The following PCDH15 variants were observed in gnomAD, a reference collection of about 807,000 sequenced individuals.
PCDH15 encodes the protein protocadherin-15.
In PCDH15, 129 loss-of-function variants were observed where a neutral mutation model predicts 178.5. The ratio of observed to expected loss-of-function variants is 0.72; its 90% CI spans 0.63 to 0.84. The LOEUF (loss-of-function observed/expected upper bound fraction) is 0.84, where lower values mean the gene tolerates loss of function less well. PCDH15 is among the 40% of genes least tolerant of loss of function. The pLI is 0.00. For missense variants in PCDH15, 2,230 were observed against 2,099.9 expected (o/e 1.06, Z -1.21); for synonymous variants, 800 against 732.0 (o/e 1.09, Z -1.50).
intron 25 of PCDH15, among the ~76,000 whole-genome samples, chr10:53,925,238 C>T (rs1466019646): frequency 6.6e-6 from 1 of 152,146 alleles, no homozygotes; most frequent in Non-Finnish European, 1.5e-5. Context: ...CAGCTTCACT[C>T]CTGAGGCCAG....
At chr10:54,408,643 C>A (rs538825004) in intron 3 of PCDH15, among the ~76,000 whole-genome samples, 1 of 152,258 alleles carries the variant, frequency 6.6e-6, no homozygotes, top group Non-Finnish European at 1.5e-5. Flanking sequence ...AACCGCATAA[C>A]TGAGAAGCTA....
chr10:54,554,652 G>T (rs2086972833), intron 2 of PCDH15, among the ~76,000 whole-genome samples: 1 of 152,186 alleles, frequency 6.6e-6, no homozygotes, highest in East Asian at 1.9e-4. Flanking sequence ...TGAAACTTTA[G>T]GAACAGGACC....
chr10:54,266,550 T>C (rs1391111556), intron 8 of PCDH15, among the ~76,000 whole-genome samples: 2 of 151,956 alleles, frequency 1.3e-5, no homozygotes, highest in Admixed American at 1.3e-4. Flanking sequence ...ACAAAATTGA[T>C]AGACTGCTAG....
At chr10:54,346,625 A>G (rs1943337336) in intron 5 of PCDH15, 141 bp from the exon 6 acceptor site, 2 of 959,086 alleles carry the variant, frequency 2.1e-6, no homozygotes, top group African/African-American at 3.2e-5. Flanking sequence ...AAGTGTTTCA[A>G]AAGAACAGTT....
chr10:55,345,652 A>C (rs1003359574), intron 2 of PCDH15, among the ~76,000 whole-genome samples: 5 of 149,274 alleles, frequency 3.3e-5, no homozygotes, highest in African/African-American at 1.2e-4. Flanking sequence ...ACTGTCCCTG[A>C]TACTACTATT....
chr10:55,428,577 T>C (rs973996268), intron 2 of PCDH15, among the ~76,000 whole-genome samples: 4 of 151,854 alleles, frequency 2.6e-5, no homozygotes, highest in African/African-American at 9.7e-5. Context: ...TATCTATCTA[T>C]CTATCTATCT....
intron 2 of PCDH15, among the ~76,000 whole-genome samples, chr10:54,584,375 C>A (rs2091294802): frequency 6.6e-6 from 1 of 152,044 alleles, no homozygotes; most frequent in Admixed American, 6.6e-5. Flanking sequence ...GTACTCAGGC[C>A]TAGGTGACAG....
intron 2 of PCDH15, among the ~76,000 whole-genome samples, chr10:55,073,591 C>G (rs182984214): frequency 6.6e-6 from 1 of 152,074 alleles, no homozygotes. Flanking sequence ...TCATCAGGGA[C>G]ATTGGCCTGT....
chr10:54,972,727 T>C (rs961778683), intron 2 of PCDH15, among the ~76,000 whole-genome samples: 1 of 150,382 alleles, frequency 6.6e-6, no homozygotes, highest in Non-Finnish European at 1.5e-5. Flanking sequence ...CACGTGCCTG[T>C]AGTCCCAGCT....
chr10:54,711,369 A>G (rs1409251398), intron 1 of PCDH15, among the ~76,000 whole-genome samples: 1 of 151,976 alleles, frequency 6.6e-6, no homozygotes, highest in Non-Finnish European at 1.5e-5. Flanking sequence ...TCTTTCATAT[A>G]TTTAATCTGA....
chr10:54,533,737 C>T (rs2084177507), intron 2 of PCDH15, among the ~76,000 whole-genome samples: 1 of 152,128 alleles, frequency 6.6e-6, no homozygotes, highest in Non-Finnish European at 1.5e-5. Context: ...TTTGACTTAA[C>T]ATAATCATTT....
intron 5 of PCDH15, among the ~76,000 whole-genome samples, chr10:54,360,937 TG>T (rs764878339): frequency 8.5e-5 from 13 of 152,150 alleles, no homozygotes; most frequent in Non-Finnish European, 1.6e-4. Flanking sequence ...TGCTGTTATA[TG>T]GGATTTAGCA....
chr10:54,425,582 G>C (rs1345412230), intron 3 of PCDH15, among the ~76,000 whole-genome samples: 1 of 152,130 alleles, frequency 6.6e-6, no homozygotes, highest in Non-Finnish European at 1.5e-5. Flanking sequence ...TTGTAAACTA[G>C]AATTGGCTGT....
chr10:54,459,582 G>C (rs968963964), intron 3 of PCDH15, among the ~76,000 whole-genome samples: 1 of 152,102 alleles, frequency 6.6e-6, no homozygotes, highest in African/African-American at 2.4e-5. Context: ...AGATTTTAGA[G>C]ATTGACGTGA....
intron 21 of PCDH15, among the ~76,000 whole-genome samples, chr10:53,980,007 T>G (rs2090493371): frequency 6.6e-6 from 1 of 152,058 alleles, no homozygotes; most frequent in Non-Finnish European, 1.5e-5. Flanking sequence ...TCACCTGAGG[T>G]CAAGAGTTCG....
intron 37 of PCDH15, chr10:53,808,732 G>T (rs778249393): frequency 6.2e-7 from 1 of 1,612,898 alleles, no homozygotes; most frequent in Non-Finnish European, 8.5e-7. Context: ...TGCTCCTGGC[G>T]ACTTCTTTTG....
intron 1 of PCDH15, among the ~76,000 whole-genome samples, chr10:55,249,676 T>C (rs1350900600): frequency 6.6e-6 from 1 of 152,154 alleles, no homozygotes; most frequent in Non-Finnish European, 1.5e-5. Context: ...CTTTAATATG[T>C]AGTAGTAATA....
At chr10:54,011,472 T>C (rs1048316412) in intron 20 of PCDH15, among the ~76,000 whole-genome samples, 1 of 152,124 alleles carries the variant, frequency 6.6e-6, no homozygotes, top group African/African-American at 2.4e-5. Flanking sequence ...ACATAAAGCC[T>C]GAGCTTGCCC....
At chr10:54,266,529 T>G (rs1466085611) in intron 8 of PCDH15, among the ~76,000 whole-genome samples, 2 of 151,960 alleles carry the variant, frequency 1.3e-5, no homozygotes, top group East Asian at 1.9e-4. Flanking sequence ...GTTGGTTCTT[T>G]GAAAGTTTAA....
Sources: gnomAD v4.1 joint callset for allele counts (sites outside exome capture counted in the v4.1 genomes callset) on GRCh38, gnomAD v4.1.1 for gene constraint, MANE v1.5 for transcripts, NCBI Gene and HGNC (gene_info 2026-07-23, HGNC 2026-07-21) for gene names.